Variants in ZHX3 observed in about 807,000 individuals in gnomAD.
ZHX3 encodes zinc fingers and homeoboxes 3.
In ZHX3, 20 loss-of-function variants were observed where a neutral mutation model predicts 64.5. The ratio of observed to expected loss-of-function variants is 0.31; its 90% CI spans 0.22 to 0.45. The LOEUF (loss-of-function observed/expected upper bound fraction) is 0.45. Ranked by LOEUF, ZHX3 falls within the 20% of genes least tolerant of loss-of-function variation. The pLI, the probability that ZHX3 is intolerant of heterozygous loss-of-function variation, is 1.00. For missense variants in ZHX3, 1,041 were observed against 1,195.8 expected (o/e 0.87, Z 1.91); for synonymous variants, 423 against 461.6 (o/e 0.92, Z 1.07).
intron 2 of ZHX3, among the ~76,000 whole-genome samples, chr20:41,257,548 C>T (rs1423834176): frequency 6.6e-6 from 1 of 152,042 alleles, no homozygotes; most frequent in African/African-American, 2.4e-5. Context: ...TTCTCTAACT[C>T]CACAATGACT....
At chr20:41,236,304 G>T (rs540256740) in intron 2 of ZHX3, among the ~76,000 whole-genome samples, 3 of 152,084 alleles carry the variant, frequency 2.0e-5, no homozygotes, top group Non-Finnish European at 4.4e-5. Flanking sequence ...AAAAGAGCCC[G>T]CATTGCCAAG....
At chr20:41,229,741 C>T (rs2040481285) in intron 2 of ZHX3, among the ~76,000 whole-genome samples, 1 of 152,080 alleles carries the variant, frequency 6.6e-6, no homozygotes, top group Admixed American at 6.6e-5. Context: ...CCATTTTAAT[C>T]AGGTTGTCTG....
At chr20:41,264,806 G>C (rs2042755068) in intron 2 of ZHX3, among the ~76,000 whole-genome samples, 1 of 152,028 alleles carries the variant, frequency 6.6e-6, no homozygotes, top group Non-Finnish European at 1.5e-5. Flanking sequence ...ATAGTAAATA[G>C]AACCTAGAAA....
At chr20:41,230,778 A>G (rs1388172759) in intron 2 of ZHX3, among the ~76,000 whole-genome samples, 3 of 152,164 alleles carry the variant, frequency 2.0e-5, no homozygotes, top group Non-Finnish European at 2.9e-5. Context: ...CCATATACCC[A>G]CTGCCCCACA....
chr20:41,274,869 A>G (rs2043307878), intron 1 of ZHX3, among the ~76,000 whole-genome samples: 1 of 126,482 alleles, frequency 7.9e-6, no homozygotes, highest in African/African-American at 3.5e-5. Flanking sequence ...TTAAGAATCA[A>G]ACTGGGCCAG....
Position 41,204,748 on chromosome 20 carries a change from T to C in ZHX3, c.169A>G (p.Ser57Gly). 6.2e-7 allele frequency: 1 copy of C among 1,614,154 alleles called. No homozygotes were observed. Among genetic ancestry groups the C allele is most frequent in the Non-Finnish European group, 8.5e-7 (1 of 1,180,014 alleles). ...AASSEAAQNPSSTDGSTLANG... is the reference protein window; with the variant it reads ...AASSEAAQNPGSTDGSTLANG... The stretch of plus-strand genomic sequence containing the variant: ...GCCAGTGTAGAGCCATCAGTACTGC[T>C]GGGGTTCTGTGCTGCCTCACTGCTG... The change falls in exon 3 of 4, where the codon AGC becomes GGC. Residue 57 changes from serine (S) to glycine (G), a missense_variant. Physicochemically the swap from Ser to Gly is moderately conservative, Grantham distance 56 (BLOSUM62 0). Transcript: ENST00000683867. This position sits in a 1 kb window ranked among gnomAD's most constrained non-coding sequence, Gnocchi z 6.6.
intron 3 of ZHX3, among the ~76,000 whole-genome samples, chr20:41,196,134 T>A (rs975279580): frequency 2.7e-5 from 4 of 150,582 alleles, no homozygotes; most frequent in Non-Finnish European, 5.9e-5. Context: ...ATCCTCTATT[T>A]CCTGATTGAT....
At chr20:41,243,753 G>C (rs1029827087) in intron 2 of ZHX3, among the ~76,000 whole-genome samples, 3 of 152,126 alleles carry the variant, frequency 2.0e-5, no homozygotes, top group African/African-American at 7.2e-5. Context: ...TCTCAAAGGA[G>C]AAAGAACATA....
In ZHX3 at chr20:41,238,870, A is replaced by C. The variant is rs547235698; in HGVS notation, c.-151+30120T>G. 3 of 152,204 alleles carry C rather than the reference A, an allele frequency of 2.0e-5. No individual in the cohort carries two copies. In the East Asian group the frequency reaches 5.8e-4, roughly 29 times the overall value. The allele number at this position is 152,204 out of a possible 1,614,324, so 9.4% of individuals were successfully genotyped here. The stretch of plus-strand genomic sequence containing the variant: ...ATTCTAAGATGCAAGTAAGAAACCT[A>C]ATTTGAAAGGGCTTACATAATAAAG... On this transcript the variant is annotated intron_variant, in intron 2 of 3. Transcript: ENST00000683867.
In ZHX3 at chr20:41,235,640, C is replaced by T. The variant is rs907302210; in HGVS notation, c.-150-30574G>A. ...CGTATCTCAAAATAGTAAGAGCTAT[C>T]TATGACAAACCCACAGCCAATATCA... is the stretch of plus-strand genomic sequence containing the variant. On this transcript the variant is annotated intron_variant, in intron 2 of 3. Coordinates refer to ENST00000683867, the MANE Select transcript of ZHX3 (RefSeq NM_001384317.1). Among the ~76,000 whole-genome samples, 116 of 152,258 alleles carry T rather than the reference C, an allele frequency of 7.6e-4. 2 individuals are homozygous for T. The highest frequency in any genetic ancestry group is 2.7e-3 in the African/African-American group (114 of 41,552).
At chr20:41,227,795 A>C (rs943529723) in intron 2 of ZHX3, among the ~76,000 whole-genome samples, 1 of 152,080 alleles carries the variant, frequency 6.6e-6, no homozygotes, top group South Asian at 2.1e-4. Flanking sequence ...GTTATTTGTT[A>C]TTGGTTGTTT....
At chr20:41,260,491 G>T (rs894382994) in intron 2 of ZHX3, among the ~76,000 whole-genome samples, 1 of 152,134 alleles carries the variant, frequency 6.6e-6, no homozygotes, top group Non-Finnish European at 1.5e-5. Flanking sequence ...CTGGACCAAG[G>T]TTAAAATTGT....
chr20:41,251,352 A>C (rs1419189104), intron 2 of ZHX3, among the ~76,000 whole-genome samples: 2 of 152,234 alleles, frequency 1.3e-5, no homozygotes, highest in African/African-American at 2.4e-5. Flanking sequence ...CATTTCACTC[A>C]AAGTGGTAAA....
chr20:41,190,674 T>C (rs2036940752), intron 3 of ZHX3, among the ~76,000 whole-genome samples: 1 of 152,246 alleles, frequency 6.6e-6, no homozygotes, highest in Non-Finnish European at 1.5e-5. Flanking sequence ...TTAAATGTCA[T>C]GTTTTCACTT....
At chr20:41,199,453 G>A (rs1365305773) in intron 3 of ZHX3, among the ~76,000 whole-genome samples, 1 of 151,984 alleles carries the variant, frequency 6.6e-6, no homozygotes, top group Non-Finnish European at 1.5e-5. Context: ...TTTGTGAAGT[G>A]TGTATTCTTT....
intron 2 of ZHX3, among the ~76,000 whole-genome samples, chr20:41,211,053 C>T (rs540526687): frequency 6.6e-6 from 1 of 152,042 alleles, no homozygotes; most frequent in South Asian, 2.1e-4. Context: ...ACAGCTAAGG[C>T]AGAAAACTAA....
In ZHX3 at chr20:41,180,412, C is replaced by T. The variant is rs755744352; in HGVS notation, c.*4779G>A. 6.6e-6 allele frequency: 1 copy of T among 152,342 alleles called. No individual in the cohort carries two copies. The highest frequency in any genetic ancestry group is 1.5e-5 in the Non-Finnish European group (1 of 68,108). The allele number at this position is 152,342 out of a possible 1,614,324, so 9.4% of individuals were successfully genotyped here. ...GGGTCTGCCTAGTCTCATCCCCAGC[C>T]TCTGGGTTCCCTCCCCTGCTCTAGA... On this transcript the variant is annotated 3_prime_UTR_variant, in exon 4 of 4. Coordinates refer to ENST00000683867, the MANE Select transcript of ZHX3 (RefSeq NM_001384317.1).
At chr20:41,236,150 T>C (rs1317246036) in intron 2 of ZHX3, among the ~76,000 whole-genome samples, 2 of 152,226 alleles carry the variant, frequency 1.3e-5, no homozygotes, top group African/African-American at 4.8e-5. Context: ...GAACATTCCA[T>C]GCTCATGGGT....
intron 1 of ZHX3, among the ~76,000 whole-genome samples, chr20:41,289,675 A>T (rs1426058285): frequency 1.3e-5 from 2 of 152,024 alleles, no homozygotes; most frequent in Admixed American, 1.3e-4. Context: ...AGCAGCTTTA[A>T]CAATGTTATT....
Sources: gnomAD v4.1 joint callset for allele counts (sites outside exome capture counted in the v4.1 genomes callset) on GRCh38, gnomAD v4.1.1 for gene constraint, Gnocchi (gnomAD v3.1) non-coding constraint, MANE v1.5 for transcripts, NCBI Gene and HGNC (gene_info 2026-07-23, HGNC 2026-07-21) for gene names.